Variants in DDAH1 observed in about 807,000 individuals in gnomAD.
DDAH1 encodes the protein dimethylarginine dimethylaminohydrolase 1, also known as N(G),N(G)-dimethylarginine dimethylaminohydrolase 1.
In DDAH1, 19 loss-of-function variants were observed where a neutral mutation model predicts 28.8. The ratio of observed to expected loss-of-function variants is 0.66; its 90% CI spans 0.46 to 0.97. The LOEUF (loss-of-function observed/expected upper bound fraction) is 0.97. Among genes scored for constraint, DDAH1 ranks in the 50% least tolerant of loss-of-function variants. DDAH1 has a pLI of 0.00. For synonymous variants in DDAH1, 153 were observed against 154.4 expected (o/e 0.99, Z 0.07); for missense variants, 326 against 375.9 (o/e 0.87, Z 1.10).
chr1:85,372,056 C>G (rs1275677367), intron 1 of DDAH1, among the ~76,000 whole-genome samples: 3 of 151,856 alleles, frequency 2.0e-5, no homozygotes, highest in African/African-American at 4.8e-5. Context: ...GTTATTAAAG[C>G]CTTCATTAGA....
chr1:85,446,569 G>A (rs918450805), intron 1 of DDAH1, among the ~76,000 whole-genome samples: 2 of 152,112 alleles, frequency 1.3e-5, no homozygotes, highest in Non-Finnish European at 2.9e-5. Context: ...TCCATTCCAA[G>A]TCCTATCCTT....
At chr1:85,374,370 A>C (rs1355872712) in intron 1 of DDAH1, among the ~76,000 whole-genome samples, 1 of 152,138 alleles carries the variant, frequency 6.6e-6, no homozygotes, top group Non-Finnish European at 1.5e-5. Context: ...TGACCAACAC[A>C]GTAGCACTTT....
chr1:85,409,484 T>C (rs1186266547), intron 1 of DDAH1, among the ~76,000 whole-genome samples: 1 of 152,240 alleles, frequency 6.6e-6, no homozygotes, highest in Admixed American at 6.5e-5. Flanking sequence ...TTTCTCCTGT[T>C]ACTTTAAGTT....
chr1:85,559,806 G>GA (rs34636637), intron 1 of DDAH1, among the ~76,000 whole-genome samples: 28,637 of 147,562 alleles, frequency 0.19, 2,929 homozygotes, highest in East Asian at 0.41. Flanking sequence ...GAAAAAGACT[G>GA]AAAAAAAAAA....
chr1:85,442,632 T>G (rs1418429310), intron 1 of DDAH1, among the ~76,000 whole-genome samples: 4 of 152,250 alleles, frequency 2.6e-5, no homozygotes, highest in Non-Finnish European at 2.9e-5. Flanking sequence ...TGAACTAGTT[T>G]ATAGTCCCAC....
At chr1:85,498,252 G>A (rs1656670121) in intron 1 of DDAH1, among the ~76,000 whole-genome samples, 1 of 152,124 alleles carries the variant, frequency 6.6e-6, no homozygotes, top group African/African-American at 2.4e-5. Context: ...CAACCCAGCA[G>A]GTAGGGCCTG....
intron 1 of DDAH1, among the ~76,000 whole-genome samples, chr1:85,432,224 C>T (rs1241131298): frequency 1.3e-5 from 2 of 152,166 alleles, no homozygotes; most frequent in South Asian, 2.1e-4. Context: ...CAAGATTGAA[C>T]ATCACCACAC....
chr1:85,460,221 T>C (rs551591211), intron 1 of DDAH1, among the ~76,000 whole-genome samples: 32 of 152,336 alleles, frequency 2.1e-4, no homozygotes, highest in African/African-American at 7.7e-4. Context: ...ATATTTAGGC[T>C]TTTTCCTAAC....
intron 1 of DDAH1, among the ~76,000 whole-genome samples, chr1:85,555,946 C>T (rs2100799430): frequency 6.6e-6 from 1 of 152,316 alleles, no homozygotes; most frequent in Non-Finnish European, 1.5e-5. Flanking sequence ...TAAAGGCAGT[C>T]AGCACCCAGG....
intron 1 of DDAH1, among the ~76,000 whole-genome samples, chr1:85,565,196 C>T (rs999403129): frequency 2.3e-5 from 3 of 131,020 alleles, no homozygotes; most frequent in Non-Finnish European, 3.3e-5. Context: ...AACGAGACTC[C>T]GTTAAAAAAA....
At chr1:85,523,148 C>T (rs539333550) in intron 1 of DDAH1, among the ~76,000 whole-genome samples, 3 of 151,948 alleles carry the variant, frequency 2.0e-5, no homozygotes, top group South Asian at 4.2e-4. Flanking sequence ...GTAGGGCTCA[C>T]GCAGTTGAAG....
intron 1 of DDAH1, among the ~76,000 whole-genome samples, chr1:85,500,388 G>T (rs1656781771): frequency 6.6e-6 from 1 of 151,796 alleles, no homozygotes; most frequent in Non-Finnish European, 1.5e-5. Context: ...GCACCTTAAA[G>T]GTGTTATTCA....
intron 1 of DDAH1, among the ~76,000 whole-genome samples, chr1:85,388,225 T>A (rs1651374301): frequency 6.6e-6 from 1 of 152,220 alleles, no homozygotes; most frequent in Non-Finnish European, 1.5e-5. Context: ...CAATTGTGAC[T>A]ATCTCATAGG....
chr1:85,516,189 T>C (rs1481620649), intron 1 of DDAH1, among the ~76,000 whole-genome samples: 2 of 151,944 alleles, frequency 1.3e-5, no homozygotes, highest in African/African-American at 4.8e-5. Context: ...AACATATGAA[T>C]TTGCTAGGGA....
At chr1:85,418,605 G>C (rs947203350) in intron 1 of DDAH1, among the ~76,000 whole-genome samples, 2 of 152,142 alleles carry the variant, frequency 1.3e-5, no homozygotes, top group African/African-American at 4.8e-5. Context: ...TTAAATGCTC[G>C]TTTGCAGAGG....
chr1:85,357,134 A>G (rs1649531579), intron 2 of DDAH1, among the ~76,000 whole-genome samples: 1 of 152,220 alleles, frequency 6.6e-6, no homozygotes, highest in Non-Finnish European at 1.5e-5. Context: ...CGGGAGACAC[A>G]AAGAATATTC....
At chr1:85,443,229 T>A (rs1570550969) in intron 1 of DDAH1, among the ~76,000 whole-genome samples, 1 of 152,348 alleles carries the variant, frequency 6.6e-6, no homozygotes, top group Admixed American at 6.5e-5. Flanking sequence ...GGATCCAGTT[T>A]CAGCTTTCTA....
intron 4 of DDAH1, among the ~76,000 whole-genome samples, chr1:85,348,550 C>CT (rs1358128529): frequency 1.3e-5 from 2 of 152,162 alleles, no homozygotes; most frequent in Admixed American, 1.3e-4. Context: ...CATCAATGTA[C>CT]TTTGCTCAGT....
At chr1:85,477,861 T>C (rs1655856660) in intron 2 of DDAH1, among the ~76,000 whole-genome samples, 1 of 152,066 alleles carries the variant, frequency 6.6e-6, no homozygotes, top group African/African-American at 2.4e-5. Context: ...TTGTCTATAA[T>C]TTATTGTACA....
Sources: gnomAD v4.1 joint callset for allele counts (sites outside exome capture counted in the v4.1 genomes callset) on GRCh38, gnomAD v4.1.1 for gene constraint, MANE v1.5 for transcripts, NCBI Gene and HGNC (gene_info 2026-07-23, HGNC 2026-07-21) for gene names.